Variants in TERF2IP observed in about 807,000 individuals in gnomAD.
TERF2IP encodes TERF2 interacting protein.
Under a neutral mutation model 33.3 loss-of-function variants are expected in TERF2IP, and 35 were observed. That is an observed-to-expected ratio of 1.05 (90% CI 0.80 to 1.39). TERF2IP has a LOEUF of 1.39. TERF2IP is among the 40% of genes most tolerant of loss of function. TERF2IP has a pLI of 0.00. For synonymous variants in TERF2IP, 253 were observed against 223.2 expected (o/e 1.13, Z -1.19); for missense variants, 583 against 524.8 (o/e 1.11, Z -1.08).
At chr16:75,653,199 AT>A (rs2082359933) in intron 1 of TERF2IP, among the ~76,000 whole-genome samples, 2 of 152,002 alleles carry the variant, frequency 1.3e-5, no homozygotes, top group African/African-American at 4.8e-5. Context: ...TCTTTTGTTT[AT>A]TTTGAATAAT....
chr16:75,654,654 G>A (rs1356321449), intron 2 of TERF2IP, among the ~76,000 whole-genome samples: 3 of 152,182 alleles, frequency 2.0e-5, no homozygotes, highest in African/African-American at 7.2e-5. Flanking sequence ...AATAGGGACA[G>A]TTGTATAAAC....
At chr16:75,649,695 GACTT>G (rs931466033) in intron 1 of TERF2IP, among the ~76,000 whole-genome samples, 4 of 152,304 alleles carry the variant, frequency 2.6e-5, no homozygotes, top group Admixed American at 2.0e-4. Context: ...AGGCGTACCA[GACTT>G]ACTTTAATGC....
intron 2 of TERF2IP, among the ~76,000 whole-genome samples, chr16:75,654,867 T>C (rs7191923): frequency 0.05 from 7,608 of 152,094 alleles, 638 homozygotes; most frequent in African/African-American, 0.17. Context: ...TAGCTGGGAC[T>C]ACAGGCGCCC....
At position 75,656,754 on chromosome 16, in the gene TERF2IP, A is replaced by G; in HGVS notation, c.*143A>G. 7 of 763,044 alleles carry G rather than the reference A, an allele frequency of 9.2e-6. No homozygotes were observed. Among genetic ancestry groups the G allele is most frequent in the Non-Finnish European group, 1.5e-5 (7 of 478,176 alleles). 47.3% of individuals were successfully genotyped at this position (763,044 alleles called of 1,614,324 possible). On this transcript the variant is annotated 3_prime_UTR_variant, in exon 3 of 3. Coordinates refer to ENST00000300086, the MANE Select transcript of TERF2IP (RefSeq NM_018975.4). ...GCTGCTGTTGCTCTGTGAGTCCTAG[A>G]TTTTTGTAGCCAAGCAGAGTTGTAG...
intron 1 of TERF2IP, among the ~76,000 whole-genome samples, chr16:75,651,562 G>A (rs982911150): frequency 1.3e-5 from 2 of 152,096 alleles, no homozygotes; most frequent in Admixed American, 6.6e-5. Flanking sequence ...GGTGGCATGC[G>A]CCTGTAATCG....
chr16:75,656,305 G>GGAA lies in TERF2IP; in HGVS notation c.910_912dup (p.Glu304dup), dbSNP rs747026590. The GGAA allele has an allele frequency of 2.9e-5, 47 of 1,613,768 alleles. No homozygotes were observed. Among genetic ancestry groups the GGAA allele is most frequent in the African/African-American group, 2.5e-4 (19 of 74,902 alleles). The stretch of plus-strand genomic sequence containing the variant: ...ACTCAGAAACACAGCCTGATGAGGA[G>GGAA]GAAGAAGAAGAAGAAGAAAAAGTTT... On this transcript the variant is annotated inframe_insertion, in exon 3 of 3. Coordinates refer to ENST00000300086, the MANE Select transcript of TERF2IP (RefSeq NM_018975.4).
chr16:75,648,533 G>A lies in TERF2IP; in HGVS notation c.651G>A (p.Pro217=), dbSNP rs1352901824. ...TCAAGCGGAAGGCGGAGGAGGACCC[G>A]GAGGCCGCGGATAGCGGGGGTGAGG... The part of the protein sequence containing the change: ...QKLKRKAEED[P]EAADSGEPQN... Residue 217 remains proline, a synonymous_variant, in exon 1 of 3, where the codon CCG becomes CCA. Transcript: ENST00000300086. 4 of 1,563,864 alleles carry A rather than the reference G, an allele frequency of 2.6e-6. No homozygotes were observed. The Admixed American group carries it at 5.7e-5, about 22-fold the overall frequency.
Position 75,648,306 on chromosome 16 carries a change from G to A in TERF2IP, c.424G>A (p.Val142Ile). The change falls in exon 1 of 3, where the codon GTA (valine) becomes ATA (isoleucine). Residue 142 changes from valine (V) to isoleucine (I), a missense_variant. Val to Ile is a conservative substitution (Grantham distance 29). Transcript: ENST00000300086. The part of the protein sequence containing the change: ...GRIAFTDADD[V>I]AILTYVKENA... ...GATCGCCTTCACGGATGCGGACGAC[G>A]TAGCCATCCTTACCTACGTGAAGGA... is the stretch of plus-strand genomic sequence containing the variant. The A allele has an allele frequency of 2.6e-6, 4 of 1,557,902 alleles. No homozygotes were observed. The African/African-American group carries it at 4.1e-5, about 16-fold the overall frequency.
At chr16:75,650,547 A>G (rs981900987) in intron 1 of TERF2IP, among the ~76,000 whole-genome samples, 12 of 152,068 alleles carry the variant, frequency 7.9e-5, no homozygotes, top group African/African-American at 2.4e-4. Flanking sequence ...ATTTTATTAT[A>G]TATCTTGAGA....
In TERF2IP at chr16:75,654,378, G is replaced by A. The variant is rs368334174; in HGVS notation, c.776G>A (p.Arg259Gln). The change falls in exon 2 of 3, where the codon CGG becomes CAG. Residue 259 changes from arginine (R) to glutamine (Q), a missense_variant. Coordinates refer to ENST00000300086, the MANE Select transcript of TERF2IP (RefSeq NM_018975.4). ...AAAAAGATGCTTGTGGAAGCCACCC[G>A]GGAGTTTGAGGAGGTTGTGGTATGT... Reference protein sequence around the residue: ...AVKKMLVEATREFEEVVVDES... With the variant: ...AVKKMLVEATQEFEEVVVDES... 7 of 1,613,246 alleles carry A rather than the reference G, an allele frequency of 4.3e-6. No individual in the cohort carries two copies. The highest frequency in any genetic ancestry group is 4.0e-5 in the African/African-American group (3 of 74,866).
intron 1 of TERF2IP, among the ~76,000 whole-genome samples, chr16:75,649,629 T>C (rs2082332215): frequency 6.6e-6 from 1 of 152,196 alleles, no homozygotes; most frequent in Admixed American, 6.5e-5. Flanking sequence ...TAAGAGATAT[T>C]CCACAGACTC....
intron 1 of TERF2IP, among the ~76,000 whole-genome samples, chr16:75,653,109 G>A (rs1417962949): frequency 6.6e-6 from 1 of 152,082 alleles, no homozygotes; most frequent in Admixed American, 6.5e-5. Flanking sequence ...CCTTTTTAAA[G>A]GTGAATAATA....
chr16:75,651,915 A>G (rs1255674331), intron 1 of TERF2IP, among the ~76,000 whole-genome samples: 3 of 148,562 alleles, frequency 2.0e-5, no homozygotes, highest in Non-Finnish European at 4.4e-5. Flanking sequence ...GTTATACTTT[A>G]TCTATAAGAT....
At chr16:75,651,705 G>GA (rs1030169287) in intron 1 of TERF2IP, among the ~76,000 whole-genome samples, 6 of 152,000 alleles carry the variant, frequency 3.9e-5, no homozygotes, top group South Asian at 2.1e-4. Context: ...AAAAAAAGAA[G>GA]AAGAAAGAAA....
At chr16:75,649,939 C>G (rs1026948133) in intron 1 of TERF2IP, among the ~76,000 whole-genome samples, 1 of 152,150 alleles carries the variant, frequency 6.6e-6, no homozygotes, top group Non-Finnish European at 1.5e-5. Flanking sequence ...GCTTCTCCTC[C>G]CCCTCCGTAA....
chr16:75,656,959 G>C lies in TERF2IP; in HGVS notation c.*348G>C, dbSNP rs879943448. 1 of 191,334 alleles carries C rather than the reference G, an allele frequency of 5.2e-6. No homozygotes were observed. The allele number at this position is 191,334 out of a possible 1,614,324, so 11.9% of individuals were successfully genotyped here. A position where few individuals can be genotyped will look rare whatever the true frequency, so the allele number is the denominator to read the frequency against. ...GTGAAAGGAAATTTAGGAGGCATAGGCCATTTCAGGCAGCATAAGTAATCT... is the reference window on the plus strand; with the variant it reads ...GTGAAAGGAAATTTAGGAGGCATAGCCCATTTCAGGCAGCATAAGTAATCT... On this transcript the variant is annotated 3_prime_UTR_variant, in exon 3 of 3. Coordinates refer to ENST00000300086, the MANE Select transcript of TERF2IP (RefSeq NM_018975.4).
chr16:75,656,444 G>T lies in TERF2IP; in HGVS notation c.1033G>T (p.Ala345Ser). ...CCTAAAAAATAGTGGTGAGCTGGAG[G>T]CTACTTCCGCCTTCTTAGCGTCTGG... ...AFLKNSGELEATSAFLASGQR... is the reference protein window; with the variant it reads ...AFLKNSGELESTSAFLASGQR... Residue 345 changes from alanine to serine, a missense_variant, in exon 3 of 3, where the codon GCT becomes TCT. By Grantham distance (99) the Ala-to-Ser change is moderately conservative. Coordinates refer to ENST00000300086, the MANE Select transcript of TERF2IP (RefSeq NM_018975.4). 6.2e-7 allele frequency: 1 copy of T among 1,614,188 alleles called. No individual in the cohort carries two copies. Among genetic ancestry groups the T allele is most frequent in the South Asian group, 1.1e-5 (1 of 91,084 alleles).
intron 1 of TERF2IP, among the ~76,000 whole-genome samples, chr16:75,651,551 T>G (rs1304905668): frequency 6.6e-6 from 1 of 152,120 alleles, no homozygotes; most frequent in African/African-American, 2.4e-5. Flanking sequence ...TATCCAGGCA[T>G]GGTGGCATGC....
intron 1 of TERF2IP, among the ~76,000 whole-genome samples, chr16:75,650,798 A>C (rs974728902): frequency 1.5e-4 from 23 of 152,156 alleles, no homozygotes; most frequent in African/African-American, 5.3e-4. Context: ...TGGCCTCCCA[A>C]AAGTGCTAGG....
Sources: allele counts gnomAD v4.1 joint callset (sites outside exome capture counted in the v4.1 genomes callset), GRCh38; gene constraint gnomAD v4.1.1; transcripts MANE v1.5; gene names NCBI Gene and HGNC (gene_info 2026-07-23, HGNC 2026-07-21).